The following SETD3 variants were observed in gnomAD, a reference collection of about 807,000 sequenced individuals.
The protein encoded by SETD3 is SET domain containing 3, actin N3(tau)-histidine methyltransferase.
Under a neutral mutation model 63.0 loss-of-function variants are expected in SETD3, and 19 were observed. That is an observed-to-expected ratio of 0.30 (90% CI 0.21 to 0.44). The LOEUF (loss-of-function observed/expected upper bound fraction) is 0.44. Among genes scored for constraint, SETD3 ranks in the 20% least tolerant of loss-of-function variants. The pLI, the probability that SETD3 is intolerant of heterozygous loss-of-function variation, is 1.00. For synonymous variants in SETD3, 286 were observed against 264.1 expected (o/e 1.08, Z -0.80); for missense variants, 587 against 728.5 (o/e 0.81, Z 2.24).
chr14:99,481,218 G>C (rs1257532167), upstream of SETD3: 1 of 393,798 alleles, frequency 2.5e-6, no homozygotes, highest in Non-Finnish European at 4.5e-6. Context: ...CGACGGGATG[G>C]GCCCTGTGGC....
chr14:99,401,138 C>CAA (rs34590578), intron 11 of SETD3, among the ~76,000 whole-genome samples: 6 of 90,660 alleles, frequency 6.6e-5, no homozygotes, highest in Admixed American at 1.3e-4. Context: ...GACCCTGTCT[C>CAA]AAAAAAAAAA....
At chr14:99,444,735 T>A (rs1894031849) in intron 6 of SETD3, among the ~76,000 whole-genome samples, 1 of 151,554 alleles carries the variant, frequency 6.6e-6, no homozygotes, top group African/African-American at 2.4e-5. Flanking sequence ...TGGTGCACGC[T>A]GACGTGGGAA....
chr14:99,431,152 A>C (rs1893155399), intron 6 of SETD3, among the ~76,000 whole-genome samples: 1 of 152,252 alleles, frequency 6.6e-6, no homozygotes, highest in Non-Finnish European at 1.5e-5. Context: ...GTCTCTGCAC[A>C]AATATAACAC....
intron 1 of SETD3, among the ~76,000 whole-genome samples, chr14:99,475,676 T>A (rs10148098): frequency 0.96 from 146,505 of 152,104 alleles, 70,768 homozygotes; most frequent in East Asian, 1. Context: ...GTTTTTTTTT[T>A]AAGTCAACAA....
chr14:99,471,475 T>C (rs1487222773), intron 1 of SETD3, among the ~76,000 whole-genome samples: 1 of 152,170 alleles, frequency 6.6e-6, no homozygotes, highest in Non-Finnish European at 1.5e-5. Flanking sequence ...ATATCACACT[T>C]AAAAAACGGT....
chr14:99,409,819 G>C (rs1373894164), intron 8 of SETD3: 1 of 161,028 alleles, frequency 6.2e-6, no homozygotes, highest in African/African-American at 2.4e-5. Flanking sequence ...TTAACATTTT[G>C]GTTTATTTCT....
At chr14:99,399,235 G>A (rs1020897870) in intron 12 of SETD3, 110 bp from the exon 13 acceptor site, 23 of 842,098 alleles carry the variant, frequency 2.7e-5, no homozygotes, top group African/African-American at 1.0e-4. Flanking sequence ...TTGGGGTGAC[G>A]GGAGGTTCTA....
chr14:99,405,073 C>T, intron 10 of SETD3, 132 bp downstream of exon 10: 2 of 1,272,402 alleles, frequency 1.6e-6, no homozygotes, highest in Non-Finnish European at 2.1e-6. Flanking sequence ...CTTAAATTTG[C>T]TGTGCCACGG....
At chr14:99,450,033 T>A (rs1894368542) in intron 6 of SETD3, among the ~76,000 whole-genome samples, 1 of 152,136 alleles carries the variant, frequency 6.6e-6, no homozygotes, top group Non-Finnish European at 1.5e-5. Context: ...AGAGTGACAA[T>A]CTGCAATACA....
chr14:99,450,344 C>G (rs1484461890), intron 6 of SETD3, among the ~76,000 whole-genome samples: 1 of 152,214 alleles, frequency 6.6e-6, no homozygotes, highest in Non-Finnish European at 1.5e-5. Flanking sequence ...TGGAAATTCA[C>G]ATCTTGTGCT....
intron 1 of SETD3, among the ~76,000 whole-genome samples, chr14:99,467,651 G>C (rs1168629584): frequency 6.6e-6 from 1 of 152,228 alleles, no homozygotes; most frequent in Non-Finnish European, 1.5e-5. Flanking sequence ...CAATGGCTTA[G>C]CTGGCCTCTC....
chr14:99,471,421 T>C (rs1180009550), intron 1 of SETD3, among the ~76,000 whole-genome samples: 1 of 152,214 alleles, frequency 6.6e-6, no homozygotes, highest in African/African-American at 2.4e-5. Flanking sequence ...TAGAGATAGA[T>C]TGGCCATACC....
At position 99,397,840 on chromosome 14, in the gene SETD3, C is replaced by G. The variant is rs539429509; in HGVS notation, c.*839G>C. On this transcript the variant is annotated 3_prime_UTR_variant, in exon 13 of 13. Transcript: ENST00000331768. ...TGTGAAAACCAGGAAAGCCAAGGAG[C>G]TGCCTCACACTGCACACCACCACGT... 2.0e-5 allele frequency: 3 copies of G among 152,676 alleles called. No homozygotes were observed. Among genetic ancestry groups the G allele is most frequent in the East Asian group, 1.9e-4 (1 of 5,186 alleles). The allele number at this position is 152,676 out of a possible 1,614,324, so 9.5% of individuals were successfully genotyped here.
At chr14:99,453,055 C>G (rs1894553064) in intron 6 of SETD3, among the ~76,000 whole-genome samples, 1 of 151,544 alleles carries the variant, frequency 6.6e-6, no homozygotes, top group Admixed American at 6.6e-5. Context: ...ATGCCGAAAA[C>G]AAAAAAAACT....
intron 6 of SETD3, among the ~76,000 whole-genome samples, chr14:99,429,523 G>A (rs1273650658): frequency 6.6e-6 from 1 of 152,160 alleles, no homozygotes; most frequent in Non-Finnish European, 1.5e-5. Flanking sequence ...TAGGGTGCGA[G>A]GCATTTGGTC....
At chr14:99,448,903 C>T (rs188113062) in intron 6 of SETD3, among the ~76,000 whole-genome samples, 1 of 152,318 alleles carries the variant, frequency 6.6e-6, no homozygotes, top group Admixed American at 6.5e-5. Context: ...CTGTGTTATG[C>T]ATCAATTTCA....
Position 99,398,695 on chromosome 14 carries a change from G to T in SETD3, c.1769C>A (p.Ala590Asp). The T allele has an allele frequency of 6.2e-7, 1 of 1,613,990 alleles. No individual in the cohort carries two copies. The highest frequency in any genetic ancestry group is 8.5e-7 in the Non-Finnish European group (1 of 1,179,930). ...DAKGSSSDSTAGVKE is the reference protein window; with the variant it reads ...DAKGSSSDSTDGVKE The stretch of plus-strand genomic sequence containing the variant: ...CACCTCGAGCTACTCCTTAACTCCA[G>T]CAGTGCTGTCTGAAGAAGATCCTTT... Residue 590 changes from alanine to aspartate, a missense_variant, in exon 13 of 13, where the codon GCT (alanine) becomes GAT (aspartate). Physicochemically the swap from Ala to Asp is moderately radical, Grantham distance 126. Transcript: ENST00000331768.
At chr14:99,477,988 AAAGC>A (rs1294063354) in intron 1 of SETD3, among the ~76,000 whole-genome samples, 2 of 152,128 alleles carry the variant, frequency 1.3e-5, no homozygotes, top group Non-Finnish European at 2.9e-5. Flanking sequence ...GAAAACTGAA[AAAGC>A]AAGACTCTTT....
intron 8 of SETD3, 29 bp from the exon 9 acceptor site, chr14:99,406,619 G>T: frequency 1.2e-6 from 2 of 1,600,568 alleles, no homozygotes; most frequent in Non-Finnish European, 1.7e-6. Context: ...AGGAAATGAT[G>T]GTGAGGCAAA....
Sources: allele counts gnomAD v4.1 joint callset (sites outside exome capture counted in the v4.1 genomes callset), GRCh38; gene constraint gnomAD v4.1.1; transcripts MANE v1.5; gene names NCBI Gene and HGNC (gene_info 2026-07-23, HGNC 2026-07-21).